Variants in PAICS observed in about 807,000 individuals in gnomAD.
PAICS encodes the protein phosphoribosylaminoimidazole carboxylase and phosphoribosylaminoimidazolesuccinocarboxamide synthase.
Under a neutral mutation model 53.7 loss-of-function variants are expected in PAICS, and 33 were observed. The observed-to-expected ratio is 0.61, with a 90% confidence interval of 0.47 to 0.82. The LOEUF is 0.82. Ranked by LOEUF, PAICS falls within the 40% of genes least tolerant of loss-of-function variation. The pLI is 0.00. For missense variants in PAICS, 394 were observed against 494.1 expected, an observed-to-expected ratio of 0.80 and a Z score of 1.92; for synonymous variants, 141 against 167.2, an observed-to-expected ratio of 0.84 and a Z score of 1.21.
intron 6 of PAICS, 179 bp downstream of exon 6, chr4:56,450,881 C>T: frequency 2.1e-6 from 1 of 484,532 alleles, no homozygotes; most frequent in Non-Finnish European, 3.7e-6. Context: ...GCAGTGGCGC[C>T]ATCTCAGCTC....
At chr4:56,456,670 A>T (rs1023469913) in intron 8 of PAICS, among the ~76,000 whole-genome samples, 20 of 149,182 alleles carry the variant, frequency 1.3e-4, no homozygotes, top group African/African-American at 4.7e-4. Flanking sequence ...CAGCCTCCCA[A>T]AGTGTTGGGA....
rs1336614844 is a variant in PAICS, at chr4:56,450,576, G to C, written c.688-43G>C. On this transcript the variant is annotated intron_variant, in intron 5 of 8. Transcript: ENST00000512576. Reference sequence around the variant, plus strand: ...CTCAGAAACCAAATAGTTTCAGGTAGCAAGAGATACTTGTTTTCTAAACTT... The same window carrying C: ...CTCAGAAACCAAATAGTTTCAGGTACCAAGAGATACTTGTTTTCTAAACTT... 7 of 1,033,738 alleles carry C rather than the reference G, an allele frequency of 6.8e-6. No individual in the cohort carries two copies. In the East Asian group the frequency reaches 1.8e-4, roughly 27 times the overall value. The allele number at this position is 1,033,738 out of a possible 1,614,324, so 64.0% of individuals were successfully genotyped here. A position where few individuals can be genotyped will look rare whatever the true frequency, so the allele number is the denominator to read the frequency against.
chr4:56,432,018 A>C (rs1488086754), upstream of PAICS, among the ~76,000 whole-genome samples: 1 of 152,218 alleles, frequency 6.6e-6, no homozygotes, highest in Non-Finnish European at 1.5e-5. Context: ...CGGGGAGTAC[A>C]TCTGGATGAA....
chr4:56,457,395 G>A lies in PAICS; in HGVS notation c.1112-1977G>A, dbSNP rs548415465. 1.1e-3 allele frequency among the ~76,000 whole-genome samples: 163 copies of A among 152,224 alleles called. 2 individuals carry two copies. Among genetic ancestry groups the A allele is most frequent in the East Asian group, 3.9e-4 (2 of 5,170 alleles). On this transcript the variant is annotated intron_variant, in intron 8 of 8. Transcript: ENST00000512576. Reference sequence around the variant, plus strand: ...ACCACTGCACTCCGGATGACAGAGCGAGACCGTGTCTCAGAAAAAAATAAT... The same window carrying A: ...ACCACTGCACTCCGGATGACAGAGCAAGACCGTGTCTCAGAAAAAAATAAT...
At position 56,460,704 on chromosome 4, in the gene PAICS, C is replaced by T. The variant is rs1417218693; in HGVS notation, c.*1166C>T. ...TTGATGAGGTAGCTGGGCACAGTGG[C>T]TCACACCTACGATCACAGCACTTCG... is the stretch of plus-strand genomic sequence containing the variant. On this transcript the variant is annotated 3_prime_UTR_variant, in exon 9 of 9. Transcript: ENST00000512576. 2.6e-5 allele frequency: 4 copies of T among 152,236 alleles called. No individual in the cohort carries two copies. The highest frequency in any genetic ancestry group is 3.2e-3 in the Middle Eastern group (1 of 316). 9.4% of individuals were successfully genotyped at this position (152,236 alleles called of 1,614,324 possible).
At chr4:56,458,086 A>AG (rs1237339790) in intron 8 of PAICS, among the ~76,000 whole-genome samples, 1 of 152,196 alleles carries the variant, frequency 6.6e-6, no homozygotes, top group Non-Finnish European at 1.5e-5. Context: ...AGCTTACAAA[A>AG]GGGGAGCATG....
rs184494736 is a variant in PAICS, at chr4:56,448,467, C to T, written c.443C>T (p.Ala148Val). 1.5e-4 allele frequency: 235 copies of T among 1,611,756 alleles called. No homozygotes were observed. In the African/African-American group the frequency reaches 3.0e-3, roughly 20 times the overall value. The part of the protein sequence containing the change: ...PQWSEEQLIA[A>V]KFCFAGLLIG... The stretch of plus-strand genomic sequence containing the variant: ...TGGTCTGAGGAACAGCTGATTGCTG[C>T]AAAATTTTGCTTTGCTGGACTTCTT... The change falls in exon 4 of 9, where the codon GCA becomes GTA. Residue 148 changes from alanine to valine, a missense_variant. Ala to Val is a moderately conservative substitution (Grantham distance 64). This residue lies in a region of PAICS where 168 missense variants were observed against 199.3 expected (regional missense o/e 0.84). Transcript: ENST00000512576.
upstream of PAICS, among the ~76,000 whole-genome samples, chr4:56,432,778 ACT>A (rs1454897557): frequency 6.4e-5 from 8 of 124,554 alleles, no homozygotes; most frequent in Admixed American, 6.5e-4. Context: ...AGACAGCGAG[ACT>A]CTGTCTCAAA....
chr4:56,414,458 A>T, the PAICS span: 3 of 152,214 alleles, frequency 2.0e-5, no homozygotes, highest in Admixed American at 2.0e-4. Context: ...CCTTTGGCCT[A>T]TGGCTGCCAA....
intron 1 of PAICS, among the ~76,000 whole-genome samples, chr4:56,439,797 G>GT (rs1277980509): frequency 2.6e-5 from 4 of 151,852 alleles, no homozygotes; most frequent in Non-Finnish European, 4.4e-5. Context: ...GCTAATTTTT[G>GT]TTTTTTTGGT....
chr4:56,455,383 A>C (rs919897955), intron 8 of PAICS, among the ~76,000 whole-genome samples: 12 of 152,168 alleles, frequency 7.9e-5, no homozygotes, highest in Non-Finnish European at 1.3e-4. Context: ...CAAGTATATT[A>C]AGTCTTTGAG....
chr4:56,410,864 C>T, the PAICS span: 4 of 955,284 alleles, frequency 4.2e-6, no homozygotes, highest in Admixed American at 8.4e-5. Context: ...CCTGGAAACG[C>T]TCAGCCCAAG....
chr4:56,435,656 G>A, upstream of PAICS: 2 of 1,438,522 alleles, frequency 1.4e-6, no homozygotes, highest in Non-Finnish European at 1.8e-6. Flanking sequence ...GGCCAGCTCA[G>A]CCCTGCTCCT....
chr4:56,440,273 C>T (rs1218483932), intron 1 of PAICS, among the ~76,000 whole-genome samples: 2 of 152,154 alleles, frequency 1.3e-5, no homozygotes, highest in Non-Finnish European at 2.9e-5. Flanking sequence ...AGCAGTAAGC[C>T]AGGGCTGTAT....
At chr4:56,415,860 A>G in the PAICS span, among the ~76,000 whole-genome samples, 4 of 152,128 alleles carry the variant, frequency 2.6e-5, no homozygotes, top group Admixed American at 6.6e-5. Context: ...ACCTGAGGTT[A>G]GGAGCTCGAG....
chr4:56,442,537 G>A (rs755623631), intron 2 of PAICS, among the ~76,000 whole-genome samples: 8 of 152,144 alleles, frequency 5.3e-5, no homozygotes, highest in Non-Finnish European at 1.2e-4. Flanking sequence ...GTTGCTGGTT[G>A]GTCTGTAGTA....
In PAICS at chr4:56,448,446, C is replaced by CT. The variant is rs776895225; in HGVS notation, c.423dup (p.Glu142Ter). 6.2e-7 allele frequency: 1 copy of CT among 1,608,126 alleles called. No individual in the cohort carries two copies. Among genetic ancestry groups the CT allele is most frequent in the East Asian group, 2.2e-5 (1 of 44,718 alleles). On this transcript the variant is annotated frameshift_variant, in exon 4 of 9. Coordinates refer to ENST00000512576, the MANE Select transcript of PAICS (RefSeq NM_001079524.2). LOFTEE classifies it high-confidence loss of function. ...GATGCCAATAATGACCCACAGTGGT[C>CT]TGAGGAACAGCTGATTGCTGCAAAA...
chr4:56,444,799 G>C (rs537347224), intron 2 of PAICS, among the ~76,000 whole-genome samples: 1 of 152,002 alleles, frequency 6.6e-6, no homozygotes, highest in Admixed American at 6.6e-5. Flanking sequence ...TGGGATTGGC[G>C]GGGGGATCTC....
At chr4:56,424,648 G>C in the PAICS span, among the ~76,000 whole-genome samples, 2 of 152,098 alleles carry the variant, frequency 1.3e-5, no homozygotes, top group Non-Finnish European at 2.9e-5. Context: ...TTTTCTCCCT[G>C]GTCTGAAGCA....
Sources: gnomAD v4.1 joint callset for allele counts (sites outside exome capture counted in the v4.1 genomes callset) on GRCh38, gnomAD v4.1.1 for gene constraint, gnomAD v4.1.1 regional missense constraint, MANE v1.5 for transcripts, NCBI Gene and HGNC (gene_info 2026-07-23, HGNC 2026-07-21) for gene names.